Variants in SEMA6B observed in about 807,000 individuals in gnomAD.
SEMA6B encodes semaphorin-6B.
Under a neutral mutation model 78.6 loss-of-function variants are expected in SEMA6B, and 47 were observed. The ratio of observed to expected loss-of-function variants is 0.60; its 90% CI spans 0.47 to 0.76. The LOEUF (loss-of-function observed/expected upper bound fraction) is 0.76. Among genes scored for constraint, SEMA6B ranks in the 30% least tolerant of loss-of-function variants. The pLI is 0.00. For synonymous variants in SEMA6B, 632 were observed against 592.2 expected, an observed-to-expected ratio of 1.07 and a Z score of -0.98; for missense variants, 1,213 against 1,269.9, an observed-to-expected ratio of 0.96 and a Z score of 0.68.
chr19:4,556,538 G>A lies in SEMA6B; in HGVS notation c.369+413C>T, dbSNP rs1466981924. Among the ~76,000 whole-genome samples, 3 of 139,378 alleles carry A rather than the reference G, an allele frequency of 2.2e-5. No homozygotes were observed. In the East Asian group the frequency reaches 7.3e-4, roughly 34 times the overall value. The allele number at this position is 139,378 out of a possible 152,430, so 91.4% of individuals were successfully genotyped here. On this transcript the variant is annotated intron_variant, in intron 5 of 16. Transcript: ENST00000586582. ...GGGCGGGCCGGGGGCGTGGGGGGCGGCAGGACTGATAGGGGAGGGGTCGGG... is the reference window on the plus strand; with the variant it reads ...GGGCGGGCCGGGGGCGTGGGGGGCGACAGGACTGATAGGGGAGGGGTCGGG...
Position 4,542,876 on chromosome 19 carries a change from G to A in SEMA6B, c.*725C>T, listed in dbSNP as rs567329709. 7.1e-6 allele frequency: 5 copies of A among 700,180 alleles called. No homozygotes were observed. Among genetic ancestry groups the A allele is most frequent in the South Asian group, 5.9e-5 (4 of 67,512 alleles). The allele number at this position is 700,180 out of a possible 1,614,324, so 43.4% of individuals were successfully genotyped here. On this transcript the variant is annotated 3_prime_UTR_variant, in exon 17 of 17. Transcript: ENST00000586582. ...CCTCGTGTCTCCTGCCTGAAACCCC[G>A]GCATTGTCCCCGCTTCCCTCTGCAG...
rs1261796871 is a variant in SEMA6B, at chr19:4,543,986, T to TGCTCGGGGGCCC, written c.2270_2281dup (p.Arg757_Glu760dup). ...GGTCGGCTCCCCAGGCGCGGGGGGC[T>TGCTCGGGGGCCC]GCTCGGGGGCCCGGGCGGGCGCCAG... On this transcript the variant is annotated inframe_insertion, in exon 17 of 17. Transcript: ENST00000586582. 8.3e-7 allele frequency: 1 copy of TGCTCGGGGGCCC among 1,203,226 alleles called. No individual in the cohort carries two copies. The allele number at this position is 1,203,226 out of a possible 1,614,324, so 74.5% of individuals were successfully genotyped here.
Position 4,554,542 on chromosome 19 carries a change from C to A in SEMA6B, c.683-66G>T, listed in dbSNP as rs373836587. 123 of 1,259,194 alleles carry A rather than the reference C, an allele frequency of 9.8e-5. 1 individual carries two copies. In the African/African-American group the frequency reaches 1.5e-3, roughly 15 times the overall value. The allele number at this position is 1,259,194 out of a possible 1,614,324, so 78.0% of individuals were successfully genotyped here. A position where few individuals can be genotyped will look rare whatever the true frequency, so the allele number is the denominator to read the frequency against. On this transcript the variant is annotated intron_variant, in intron 8 of 16. Coordinates refer to ENST00000586582, the MANE Select transcript of SEMA6B (RefSeq NM_032108.4). ...CAAAGGGGGTTTCTGGGGCTAAGAA[C>A]TCACTGGCTTTTATGGTGAAGGGGG...
Position 4,555,932 on chromosome 19 carries a change from C to T in SEMA6B, c.471+56G>A, listed in dbSNP as rs1599782337. On this transcript the variant is annotated intron_variant, in intron 6 of 16. Coordinates refer to ENST00000586582, the MANE Select transcript of SEMA6B (RefSeq NM_032108.4). This position sits in a 1 kb window ranked among gnomAD's most constrained non-coding sequence, Gnocchi z 6.1. Reference sequence around the variant, plus strand: ...GGGAAAAGCCATGGCCAGCGGAGGTCGGGCGAGCAGAGGCCTGGAGGTTGG... The same window carrying T: ...GGGAAAAGCCATGGCCAGCGGAGGTTGGGCGAGCAGAGGCCTGGAGGTTGG... 10 of 1,395,406 alleles carry T rather than the reference C, an allele frequency of 7.2e-6. No homozygotes were observed. The highest frequency in any genetic ancestry group is 5.7e-5 in the African/African-American group (4 of 70,664). The allele number at this position is 1,395,406 out of a possible 1,614,324, so 86.4% of individuals were successfully genotyped here. A position where few individuals can be genotyped will look rare whatever the true frequency, so the allele number is the denominator to read the frequency against.
chr19:4,552,363 GC>G lies in SEMA6B; in HGVS notation c.989+58del. 1 of 1,477,122 alleles carries G rather than the reference GC, an allele frequency of 6.8e-7. No individual in the cohort carries two copies. Among genetic ancestry groups the G allele is most frequent in the East Asian group, 2.5e-5 (1 of 40,550 alleles). The allele number at this position is 1,477,122 out of a possible 1,614,324, so 91.5% of individuals were successfully genotyped here. On this transcript the variant is annotated intron_variant, in intron 10 of 16. Transcript: ENST00000586582. This position sits in a 1 kb window ranked among gnomAD's most constrained non-coding sequence, Gnocchi z 7.4. ...GGGCATACCTGAGGAGTGAATACAG[GC>G]CCTCTCTACCCATGCCCACCAAATG... is the stretch of plus-strand genomic sequence containing the variant.
In SEMA6B at chr19:4,555,961, T is replaced by C. The variant is rs774957182; in HGVS notation, c.471+27A>G. The stretch of plus-strand genomic sequence containing the variant: ...CGAGCAGAGGCCTGGAGGTTGGACC[T>C]GGGGCGCAGGGAGTCTGAAGACTCA... On this transcript the variant is annotated intron_variant, in intron 6 of 16. Coordinates refer to ENST00000586582, the MANE Select transcript of SEMA6B (RefSeq NM_032108.4). This position sits in a 1 kb window ranked among gnomAD's most constrained non-coding sequence, Gnocchi z 6.1. 2.5e-6 allele frequency: 4 copies of C among 1,582,910 alleles called. No individual in the cohort carries two copies. The Admixed American group carries it at 6.7e-5, about 26-fold the overall frequency.
At position 4,551,076 on chromosome 19, in the gene SEMA6B, G is replaced by A. The variant is rs576765573; in HGVS notation, c.990-146C>T. On this transcript the variant is annotated intron_variant, in intron 10 of 16. Transcript: ENST00000586582. ...GTCCCCTGTCCCTCCCGCATCTGTC[G>A]AATGCAGCCACTCCTCCTGAATAAC... 2.8e-4 allele frequency: 251 copies of A among 887,736 alleles called. 2 individuals are homozygous for A. The highest frequency in any genetic ancestry group is 1.6e-3 in the Admixed American group (62 of 39,234). The allele number at this position is 887,736 out of a possible 1,614,324, so 55.0% of individuals were successfully genotyped here. A position where few individuals can be genotyped will look rare whatever the true frequency, so the allele number is the denominator to read the frequency against.
chr19:4,545,013 T>G (rs1394852455), intron 16 of SEMA6B, among the ~76,000 whole-genome samples: 1 of 152,024 alleles, frequency 6.6e-6, no homozygotes, highest in Non-Finnish European at 1.5e-5. Context: ...TAAAGCTCAC[T>G]GCAACCCTGC....
intron 5 of SEMA6B, 52 bp from the exon 6 acceptor site, chr19:4,556,141 T>C (rs1344582911): frequency 5.3e-6 from 7 of 1,315,088 alleles, no homozygotes; most frequent in Non-Finnish European, 6.6e-6. Context: ...GTGGTCATGG[T>C]GATGGGCGTG....
chr19:4,542,807 G>A lies in SEMA6B; in HGVS notation c.*794C>T. ...CCTTCGCCGCCCCCCAGGCCCCCAA[G>A]CCCTTTAGACAGCTGCTGCCGATGT... On this transcript the variant is annotated 3_prime_UTR_variant, in exon 17 of 17. Coordinates refer to ENST00000586582, the MANE Select transcript of SEMA6B (RefSeq NM_032108.4). The A allele has an allele frequency of 1.4e-6, 1 of 697,476 alleles. No individual in the cohort carries two copies. Among genetic ancestry groups the A allele is most frequent in the Non-Finnish European group, 2.6e-6 (1 of 382,628 alleles). The allele number at this position is 697,476 out of a possible 1,614,324, so 43.2% of individuals were successfully genotyped here. A position where few individuals can be genotyped will look rare whatever the true frequency, so the allele number is the denominator to read the frequency against.
At position 4,544,859 on chromosome 19, in the gene SEMA6B, C is replaced by G. The variant is rs2145343551; in HGVS notation, c.1739-330G>C. ...CACGTTGGCCAGGCTGGTCTGAACT[C>G]CTGACCTTGTGATCCGCCCACCTCT... On this transcript the variant is annotated intron_variant, in intron 16 of 16. Transcript: ENST00000586582. The surrounding 1 kb of genome is among the most constrained non-coding windows in gnomAD (Gnocchi z 5.1). Among the ~76,000 whole-genome samples the G allele has an allele frequency of 6.6e-6, 1 of 152,064 alleles. No individual in the cohort carries two copies. Among genetic ancestry groups the G allele is most frequent in the Admixed American group, 6.5e-5 (1 of 15,278 alleles).
intron 16 of SEMA6B, among the ~76,000 whole-genome samples, chr19:4,545,317 G>A (rs1216757602): frequency 6.7e-6 from 1 of 148,286 alleles, no homozygotes; most frequent in Non-Finnish European, 1.5e-5. Context: ...CTCCAGCCTG[G>A]GTGACAGAGC....
At position 4,555,324 on chromosome 19, in the gene SEMA6B, G is replaced by T; in HGVS notation, c.562+150C>A. 1 of 816,602 alleles carries T rather than the reference G, an allele frequency of 1.2e-6. No individual in the cohort carries two copies. The highest frequency in any genetic ancestry group is 1.9e-6 in the Non-Finnish European group (1 of 523,964). 50.6% of individuals were successfully genotyped at this position (816,602 alleles called of 1,614,324 possible). ...CCCGCTGAGCCTCAATCCCAGCTGAGCCCCAAACCTGGGCTGAGAGTCTGC... is the reference window on the plus strand; with the variant it reads ...CCCGCTGAGCCTCAATCCCAGCTGATCCCCAAACCTGGGCTGAGAGTCTGC... On this transcript the variant is annotated intron_variant, in intron 7 of 16. Transcript: ENST00000586582. This position sits in a 1 kb window ranked among gnomAD's most constrained non-coding sequence, Gnocchi z 6.1.
At position 4,552,638 on chromosome 19, in the gene SEMA6B, A is replaced by T. The variant is rs1195724351; in HGVS notation, c.773T>A (p.Val258Glu). 6.2e-6 allele frequency: 10 copies of T among 1,600,446 alleles called. No homozygotes were observed. The highest frequency in any genetic ancestry group is 8.5e-6 in the Non-Finnish European group (10 of 1,171,600). The change falls in exon 10 of 17, where the codon GTG becomes GAG. Residue 258 changes from valine to glutamate, a missense_variant and splice_region_variant. Physicochemically the swap from Val to Glu is moderately radical, Grantham distance 121. Coordinates refer to ENST00000586582, the MANE Select transcript of SEMA6B (RefSeq NM_032108.4). The surrounding 1 kb of genome is among the most constrained non-coding windows in gnomAD (Gnocchi z 7.4). ...CACTCGGGCCACGCGGGACACCACC[A>T]CCTGGGCGTGACAGTGGACGGACGG... The part of the protein sequence containing the change: ...IAMEFNYLEK[V>E]VVSRVARVCK...
At chr19:4,549,279 G>A (rs1246474509) in intron 12 of SEMA6B, among the ~76,000 whole-genome samples, 1 of 147,266 alleles carries the variant, frequency 6.8e-6, no homozygotes, top group South Asian at 2.2e-4. Flanking sequence ...TTCTCCTGGT[G>A]TGTGTCTGTC....
chr19:4,542,705 G>C lies in SEMA6B; in HGVS notation c.*896C>G, dbSNP rs1977046756. ...TGCATGGTCAGCTGGAGGTCAGAGG[G>C]GGGAGGTCACAAGGGGACGGGTGGC... On this transcript the variant is annotated 3_prime_UTR_variant, in exon 17 of 17. Transcript: ENST00000586582. The C allele has an allele frequency of 5.9e-6, 4 of 674,054 alleles. No homozygotes were observed. The East Asian group carries it at 1.1e-4, about 18-fold the overall frequency. The allele number at this position is 674,054 out of a possible 1,614,324, so 41.8% of individuals were successfully genotyped here. A position where few individuals can be genotyped will look rare whatever the true frequency, so the allele number is the denominator to read the frequency against.
At position 4,555,395 on chromosome 19, in the gene SEMA6B, A is replaced by C; in HGVS notation, c.562+79T>G. On this transcript the variant is annotated intron_variant, in intron 7 of 16. Transcript: ENST00000586582. The surrounding 1 kb of genome is among the most constrained non-coding windows in gnomAD (Gnocchi z 6.1). ...GTGGTCGTCCAGCTGCCTTCTAAAC[A>C]ACCCAGACGCTGGAGTAGAAAATGC... 4.6e-6 allele frequency: 6 copies of C among 1,302,276 alleles called. No individual in the cohort carries two copies. The highest frequency in any genetic ancestry group is 6.5e-6 in the Non-Finnish European group (6 of 928,462). 80.7% of individuals were successfully genotyped at this position (1,302,276 alleles called of 1,614,324 possible).
Position 4,555,270 on chromosome 19 carries a change from G to A in SEMA6B, c.563-175C>T, listed in dbSNP as rs1599781751. Among the ~76,000 whole-genome samples, 1 of 152,062 alleles carries A rather than the reference G, an allele frequency of 6.6e-6. No homozygotes were observed. The highest frequency in any genetic ancestry group is 1.5e-5 in the Non-Finnish European group (1 of 68,006). On this transcript the variant is annotated intron_variant, in intron 7 of 16. Transcript: ENST00000586582. This position sits in a 1 kb window ranked among gnomAD's most constrained non-coding sequence, Gnocchi z 6.1. ...CTCCATCCAAGCCCTGACCTTAACTGAGCCCCTGACCCCGGCTAAGCCCCA... is the reference window on the plus strand; with the variant it reads ...CTCCATCCAAGCCCTGACCTTAACTAAGCCCCTGACCCCGGCTAAGCCCCA...
intron 14 of SEMA6B, 86 bp from the exon 15 acceptor site, chr19:4,546,555 C>T (rs1461839911): frequency 3.1e-6 from 2 of 647,654 alleles, no homozygotes; most frequent in Non-Finnish European, 4.7e-6. Context: ...GGCCCTGTTC[C>T]AAGCACCTGC....
Sources: gnomAD v4.1 joint callset for allele counts (sites outside exome capture counted in the v4.1 genomes callset) on GRCh38, gnomAD v4.1.1 for gene constraint, Gnocchi (gnomAD v3.1) non-coding constraint, MANE v1.5 for transcripts, NCBI Gene and HGNC (gene_info 2026-07-23, HGNC 2026-07-21) for gene names.